Variants in ART4 observed in about 807,000 individuals in gnomAD.
The protein encoded by ART4 is ecto-ADP-ribosyltransferase 4.
Under a neutral mutation model 24.2 loss-of-function variants are expected in ART4, and 14 were observed. That is an observed-to-expected ratio of 0.58 (90% CI 0.38 to 0.90). The LOEUF (loss-of-function observed/expected upper bound fraction) is 0.90, where lower values mean the gene tolerates loss of function less well. ART4 is among the 40% of genes least tolerant of loss of function. The pLI is 0.00. For synonymous variants in ART4, 145 were observed against 139.9 expected, an observed-to-expected ratio of 1.04 and a Z score of -0.26; for missense variants, 356 against 366.6, an observed-to-expected ratio of 0.97 and a Z score of 0.24.
chr12:14,834,881 T>C (rs991252331), intron 2 of ART4, among the ~76,000 whole-genome samples: 1 of 152,226 alleles, frequency 6.6e-6, no homozygotes, highest in African/African-American at 2.4e-5. Context: ...AGTATAATTC[T>C]ATTAATTTGA....
chr12:14,829,490 T>A, intron 2 of ART4, 28 bp from the exon 3 acceptor site: 1 of 1,555,710 alleles, frequency 6.4e-7, no homozygotes. Flanking sequence ...AAGGAAATAT[T>A]TTAGGTAGCA....
At chr12:14,834,646 G>T (rs919529009) in intron 2 of ART4, among the ~76,000 whole-genome samples, 5 of 152,198 alleles carry the variant, frequency 3.3e-5, no homozygotes, top group African/African-American at 1.2e-4. Flanking sequence ...GCATGTATTT[G>T]TGTGTCTACA....
intron 2 of ART4, among the ~76,000 whole-genome samples, chr12:14,837,995 T>TCTCAAATACTAGTTC (rs902297821): frequency 3.3e-5 from 5 of 152,210 alleles, no homozygotes; most frequent in African/African-American, 1.2e-4. Context: ...CCTGCCTAGT[T>TCTCAAATACTAGTTC]CTCAAATACT....
rs1863033708 is a variant in ART4 at position 14,840,830 on chromosome 12, G to A, written c.468C>T (p.Phe156=). 6.2e-7 allele frequency: 1 copy of A among 1,614,200 alleles called. No individual in the cohort carries two copies. Residue 156 remains phenylalanine, a synonymous_variant, in exon 2 of 3, where the codon TTC becomes TTT. Coordinates refer to ENST00000228936, the MANE Select transcript of ART4 (RefSeq NM_021071.4). ...AGGTGAGGTAGTAGTGTAAATATTTGAAGTGGAATGAACGTTCATACTGCT... is the reference window on the plus strand; with the variant it reads ...AGGTGAGGTAGTAGTGTAAATATTTAAAGTGGAATGAACGTTCATACTGCT... ...TPQQYERSFH[F]KYLHYYLTSA... is the part of the protein sequence containing the mutation.
chr12:14,831,940 T>C (rs1408934021), intron 2 of ART4, among the ~76,000 whole-genome samples: 4 of 152,138 alleles, frequency 2.6e-5, no homozygotes, highest in Non-Finnish European at 5.9e-5. Flanking sequence ...CTCTTCTTTT[T>C]CCCTCACTTT....
At chr12:14,836,439 C>A (rs1392730202) in intron 2 of ART4, among the ~76,000 whole-genome samples, 1 of 151,962 alleles carries the variant, frequency 6.6e-6, no homozygotes, top group Non-Finnish European at 1.5e-5. Flanking sequence ...GATTCACATC[C>A]CAAGAGGGAA....
chr12:14,829,783 A>G (rs1049629036), intron 2 of ART4, among the ~76,000 whole-genome samples: 3 of 152,200 alleles, frequency 2.0e-5, no homozygotes, highest in African/African-American at 4.8e-5. Context: ...CATCATCTTC[A>G]TCACCATTAT....
intron 2 of ART4, among the ~76,000 whole-genome samples, chr12:14,833,409 T>C (rs1349930227): frequency 6.6e-6 from 1 of 152,198 alleles, no homozygotes; most frequent in African/African-American, 2.4e-5. Context: ...GGAATTCTTA[T>C]TAGAAAACAT....
rs1861698 is a variant in ART4, at chr12:14,840,920, A to G, written c.378T>C (p.Tyr126=). 0.35 allele frequency: 567,425 copies of G among 1,614,000 alleles called. 103,376 individuals carry two copies. Among genetic ancestry groups the G allele is most frequent in the Middle Eastern group, 0.38 (2,295 of 6,062 alleles). Reference sequence around the variant, plus strand: ...CAGAATGAACATTGCTGTTCAATGTATAAAACAAAATAGCCACAGCGTGTG... The same window carrying G: ...CAGAATGAACATTGCTGTTCAATGTGTAAAACAAAATAGCCACAGCGTGTG... ...TTTHAVAILF[Y]TLNSNVHSDF... The change falls in exon 2 of 3, where the codon TAT becomes TAC. Residue 126 remains tyrosine, a synonymous_variant. Transcript: ENST00000228936.
At chr12:14,839,213 C>T (rs80076569) in intron 2 of ART4, among the ~76,000 whole-genome samples, 90 of 152,012 alleles carry the variant, frequency 5.9e-4, no homozygotes, top group Non-Finnish European at 5.9e-4. Flanking sequence ...AATGAAGCCC[C>T]ATCAGAATTC....
intron 2 of ART4, among the ~76,000 whole-genome samples, chr12:14,833,248 ATGTG>A (rs1280029899): frequency 6.6e-6 from 1 of 152,170 alleles, no homozygotes; most frequent in African/African-American, 2.4e-5. Context: ...TTTTATGAAT[ATGTG>A]TGTATTTGCA....
In ART4 at chr12:14,843,129, G is replaced by A; in HGVS notation, c.-16C>T. 2.5e-6 allele frequency: 4 copies of A among 1,613,700 alleles called. No individual in the cohort carries two copies. Among genetic ancestry groups the A allele is most frequent in the Non-Finnish European group, 3.4e-6 (4 of 1,179,742 alleles). On this transcript the variant is annotated 5_prime_UTR_variant, in exon 1 of 3. Coordinates refer to ENST00000228936, the MANE Select transcript of ART4 (RefSeq NM_021071.4). ...ATGGACCCATTTGCTTGTGTCACAA[G>A]TACTTCTCCTTTGCCCTTGCAGCTT...
chr12:14,829,309 A>G lies in ART4; in HGVS notation c.*62T>C, dbSNP rs1221952074. ...AAATAAATGTCCATTTCTAGCCAAA[A>G]GGCCAATAAAAAAGATTTTATTTAA... On this transcript the variant is annotated 3_prime_UTR_variant, in exon 3 of 3. Coordinates refer to ENST00000228936, the MANE Select transcript of ART4 (RefSeq NM_021071.4). 4.3e-6 allele frequency: 5 copies of G among 1,161,408 alleles called. No homozygotes were observed. The highest frequency in any genetic ancestry group is 6.0e-6 in the Non-Finnish European group (5 of 838,754). The allele number at this position is 1,161,408 out of a possible 1,614,324, so 71.9% of individuals were successfully genotyped here. A position where few individuals can be genotyped will look rare whatever the true frequency, so the allele number is the denominator to read the frequency against.
chr12:14,843,080 G>T lies in ART4; in HGVS notation c.34C>A (p.Leu12Ile). The T allele has an allele frequency of 3.1e-6, 5 of 1,614,200 alleles. No individual in the cohort carries two copies. Among genetic ancestry groups the T allele is most frequent in the Non-Finnish European group, 4.2e-6 (5 of 1,180,018 alleles). Residue 12 changes from leucine (L) to isoleucine (I), a missense_variant, in exon 1 of 3, where the codon CTT becomes ATT. Transcript: ENST00000228936. ...GCAGGAGGTACAGTAGTTGGGAGAA[G>T]AATCTTCTTGCATCTGTTGATCAAT... ...GPLINRCKKILLPTTVPPATM... is the reference protein window; with the variant it reads ...GPLINRCKKIILPTTVPPATM...
rs1476982955 is a variant in ART4, at chr12:14,829,320, A to G, written c.*51T>C. ...CATTTCTAGCCAAAAGGCCAATAAAAAAGATTTTATTTAAATATTTTTTTT... is the reference window on the plus strand; with the variant it reads ...CATTTCTAGCCAAAAGGCCAATAAAGAAGATTTTATTTAAATATTTTTTTT... On this transcript the variant is annotated 3_prime_UTR_variant, in exon 3 of 3. Coordinates refer to ENST00000228936, the MANE Select transcript of ART4 (RefSeq NM_021071.4). 1 of 1,284,802 alleles carries G rather than the reference A, an allele frequency of 7.8e-7. No homozygotes were observed. The highest frequency in any genetic ancestry group is 1.6e-5 in the South Asian group (1 of 62,470). 79.6% of individuals were successfully genotyped at this position (1,284,802 alleles called of 1,614,324 possible). A position where few individuals can be genotyped will look rare whatever the true frequency, so the allele number is the denominator to read the frequency against.
At chr12:14,834,298 A>G (rs2287227) in intron 2 of ART4, among the ~76,000 whole-genome samples, 51,684 of 152,124 alleles carry the variant, frequency 0.34, 9,332 homozygotes, top group Middle Eastern at 0.4. Context: ...GATGCCACAA[A>G]TAGGGTAAAC....
chr12:14,829,585 T>G (rs573772260), intron 2 of ART4, 123 bp from the exon 3 acceptor site: 16 of 642,630 alleles, frequency 2.5e-5, no homozygotes, highest in South Asian at 6.6e-5. Context: ...TGAAGTTAGC[T>G]ACTTAAAACA....
In ART4 at chr12:14,826,330, G is replaced by A. The variant is rs577524677; in HGVS notation, c.*3041C>T. The stretch of plus-strand genomic sequence containing the variant: ...AGATTTGATCTGTAAAACAGCAGCA[G>A]GAGTTAGAACTAAGTTATCTTTTTT... On this transcript the variant is annotated 3_prime_UTR_variant, in exon 3 of 3. Transcript: ENST00000228936. 130 of 152,290 alleles carry A rather than the reference G, an allele frequency of 8.5e-4. 1 individual carries two copies. Among genetic ancestry groups the A allele is most frequent in the African/African-American group, 2.9e-3 (119 of 41,566 alleles). 9.4% of individuals were successfully genotyped at this position (152,290 alleles called of 1,614,324 possible).
At chr12:14,834,850 T>G (rs1950419041) in intron 2 of ART4, among the ~76,000 whole-genome samples, 1 of 152,234 alleles carries the variant, frequency 6.6e-6, no homozygotes, top group Admixed American at 6.5e-5. Context: ...TTTTTCCTTT[T>G]GCAAATTTAC....
Sources: allele counts gnomAD v4.1 joint callset (sites outside exome capture counted in the v4.1 genomes callset), GRCh38; gene constraint gnomAD v4.1.1; transcripts MANE v1.5; gene names NCBI Gene and HGNC (gene_info 2026-07-23, HGNC 2026-07-21).